The following NRSN1 variants were observed in gnomAD, a reference collection of about 807,000 sequenced individuals.
NRSN1 encodes the protein neurensin 1, also known as neurensin-1.
Under a neutral mutation model 17.3 loss-of-function variants are expected in NRSN1, and 14 were observed. The ratio of observed to expected loss-of-function variants is 0.81; its 90% confidence interval spans 0.54 to 1.27. The LOEUF is 1.27. NRSN1 is among the 50% of genes most tolerant of loss of function. The probability of loss-of-function intolerance (pLI) is 0.00; values close to 1 mark genes in which losing one functional copy is unlikely to be tolerated. For synonymous variants in NRSN1, 79 were observed against 94.2 expected, an observed-to-expected ratio of 0.84 and a Z score of 0.93; for missense variants, 209 against 235.9, an observed-to-expected ratio of 0.89 and a Z score of 0.75.
At chr6:24,132,748 A>G (rs571726893) in intron 2 of NRSN1, among the ~76,000 whole-genome samples, 11 of 152,316 alleles carry the variant, frequency 7.2e-5, no homozygotes, top group African/African-American at 2.6e-4. Flanking sequence ...ACATAGGTAT[A>G]CATGTGCCAT....
intron 3 of NRSN1, among the ~76,000 whole-genome samples, chr6:24,140,725 C>G (rs1760190302): frequency 6.6e-6 from 1 of 152,248 alleles, no homozygotes; most frequent in Non-Finnish European, 1.5e-5. Flanking sequence ...TGCCTCGTCT[C>G]TGCCAGAACA....
rs796666606 is a variant in NRSN1, at chr6:24,137,777, AG to A, written c.189+3263del. Among the ~76,000 whole-genome samples, 47 of 152,216 alleles carry A rather than the reference AG, an allele frequency of 3.1e-4. 2 individuals are homozygous for A. The highest frequency in any genetic ancestry group is 9.6e-4 in the African/African-American group (40 of 41,518). The stretch of plus-strand genomic sequence containing the variant: ...ATATACTAAATGCTCCCCTTAAAGC[AG>A]GCACAATACTTACTGGGAGCACAGA... On this transcript the variant is annotated intron_variant, in intron 3 of 3. Transcript: ENST00000378491.
At chr6:24,139,089 G>A (rs1038278214) in intron 3 of NRSN1, among the ~76,000 whole-genome samples, 1 of 151,994 alleles carries the variant, frequency 6.6e-6, no homozygotes, top group Admixed American at 6.6e-5. Context: ...TTGAAATTTT[G>A]TATCTTTTAA....
At chr6:24,130,949 G>A (rs1482719890) in intron 2 of NRSN1, among the ~76,000 whole-genome samples, 3 of 152,134 alleles carry the variant, frequency 2.0e-5, no homozygotes, top group Admixed American at 6.5e-5. Context: ...GAGCTTGTCT[G>A]GAATCTCCTG....
At chr6:24,144,051 A>G (rs1760261250) in intron 3 of NRSN1, among the ~76,000 whole-genome samples, 3 of 152,178 alleles carry the variant, frequency 2.0e-5, no homozygotes, top group Non-Finnish European at 4.4e-5. Flanking sequence ...AGTATGTTAC[A>G]TTTCATTAGA....
intron 3 of NRSN1, among the ~76,000 whole-genome samples, chr6:24,142,891 T>G (rs548001289): frequency 1.5e-3 from 230 of 152,252 alleles, no homozygotes; most frequent in African/African-American, 5.2e-3. Flanking sequence ...GGTGGCCAGC[T>G]TTTATATCCT....
intron 3 of NRSN1, among the ~76,000 whole-genome samples, chr6:24,140,278 T>C (rs1760182510): frequency 6.6e-6 from 1 of 152,142 alleles, no homozygotes; most frequent in African/African-American, 2.4e-5. Flanking sequence ...GGAGAATTGC[T>C]TTCGAAGATG....
intron 2 of NRSN1, among the ~76,000 whole-genome samples, chr6:24,130,743 A>C (rs1194823703): frequency 6.6e-6 from 1 of 152,188 alleles, no homozygotes; most frequent in Non-Finnish European, 1.5e-5. Context: ...TAAAGTAAGA[A>C]TTTGAGCTGT....
In NRSN1 at chr6:24,130,549, G is replaced by A. The variant is rs1390429395; in HGVS notation, c.-10+2349G>A. On this transcript the variant is annotated intron_variant, in intron 2 of 3. Coordinates refer to ENST00000378491, the MANE Select transcript of NRSN1 (RefSeq NM_080723.5). ...ATTCTTCTCTAGGAGTGAATTCCAG[G>A]TAGTTATATGTTTGGGAAGATGTGT... 2.6e-5 allele frequency among the ~76,000 whole-genome samples: 4 copies of A among 152,030 alleles called. No individual in the cohort carries two copies. The East Asian group carries it at 5.8e-4, about 22-fold the overall frequency.
chr6:24,142,213 T>TTTTTC (rs957826257), intron 3 of NRSN1, among the ~76,000 whole-genome samples: 6 of 132,538 alleles, frequency 4.5e-5, no homozygotes, highest in African/African-American at 7.9e-5. Context: ...TTTTTTTTTT[T>TTTTTC]TCAGAAGACA....
In NRSN1 at chr6:24,139,487, C is replaced by T. The variant is rs150930839; in HGVS notation, c.189+4971C>T. ...TATCCACCACTATGACTGTGAGGAA[C>T]AATTTCACGAATGGGTGGATGGGAA... On this transcript the variant is annotated intron_variant, in intron 3 of 3. Transcript: ENST00000378491. Among the ~76,000 whole-genome samples, 11 of 152,248 alleles carry T rather than the reference C, an allele frequency of 7.2e-5. No homozygotes were observed. In the East Asian group the frequency reaches 2.1e-3, roughly 29 times the overall value.
chr6:24,142,877 C>T (rs1025873311), intron 3 of NRSN1, among the ~76,000 whole-genome samples: 7 of 152,154 alleles, frequency 4.6e-5, no homozygotes, highest in African/African-American at 1.4e-4. Flanking sequence ...CGGCTACTGG[C>T]GCGGGTGGCC....
intron 1 of NRSN1, among the ~76,000 whole-genome samples, chr6:24,127,025 C>T (rs933059421): frequency 1.3e-5 from 2 of 151,898 alleles, no homozygotes; most frequent in East Asian, 3.9e-4. Context: ...TGTGGGGAAT[C>T]TTCAGCGAAA....
At chr6:24,140,929 A>G in intron 3 of NRSN1, 1 of 1,312,246 alleles carries the variant, frequency 7.6e-7, no homozygotes, top group South Asian at 2.5e-5. Context: ...AGCAGCAGGA[A>G]CTGGGTTTTC....
At chr6:24,130,961 C>T (rs1453292745) in intron 2 of NRSN1, among the ~76,000 whole-genome samples, 2 of 152,266 alleles carry the variant, frequency 1.3e-5, no homozygotes, top group South Asian at 2.1e-4. Context: ...AATCTCCTGA[C>T]CAGTAAGTTG....
chr6:24,135,106 TA>T (rs1455346753), intron 3 of NRSN1, among the ~76,000 whole-genome samples: 1 of 152,134 alleles, frequency 6.6e-6, no homozygotes, highest in African/African-American at 2.4e-5. Flanking sequence ...TTCTGGAAGT[TA>T]AAGTGGTAAA....
At chr6:24,143,485 G>A (rs1451834908) in intron 3 of NRSN1, among the ~76,000 whole-genome samples, 1 of 152,128 alleles carries the variant, frequency 6.6e-6, no homozygotes, top group Non-Finnish European at 1.5e-5. Flanking sequence ...TAGATTTGTG[G>A]ATACGTTTTC....
Position 24,144,080 on chromosome 6 carries a change from T to C in NRSN1, c.190-1468T>C, listed in dbSNP as rs72828944. ...CATTAGAACTTGAGCTAATGCAGTTTAACCTCCATCTGCTATTCTGAACAC... is the reference window on the plus strand; with the variant it reads ...CATTAGAACTTGAGCTAATGCAGTTCAACCTCCATCTGCTATTCTGAACAC... On this transcript the variant is annotated intron_variant, in intron 3 of 3. Transcript: ENST00000378491. Among the ~76,000 whole-genome samples the C allele has an allele frequency of 2.9e-3, 441 of 152,286 alleles. 3 individuals are homozygous for C. Among genetic ancestry groups the C allele is most frequent in the Non-Finnish European group, 5.3e-3 (361 of 68,028 alleles).
intron 2 of NRSN1, among the ~76,000 whole-genome samples, chr6:24,131,337 T>C (rs949435523): frequency 3.9e-5 from 6 of 152,160 alleles, no homozygotes; most frequent in African/African-American, 1.2e-4. Context: ...CAAAGCTCAA[T>C]CCTGGGAAAG....
Sources: gnomAD v4.1 joint callset for allele counts (sites outside exome capture counted in the v4.1 genomes callset) on GRCh38, gnomAD v4.1.1 for gene constraint, MANE v1.5 for transcripts, NCBI Gene and HGNC (gene_info 2026-07-23, HGNC 2026-07-21) for gene names.